SLC16A10: variants seen among roughly 807,000 people sequenced by gnomAD.
SLC16A10 encodes the protein monocarboxylate transporter 10.
Under a neutral mutation model 40.0 loss-of-function variants are expected in SLC16A10, and 27 were observed. That is an observed-to-expected ratio of 0.67 (90% confidence interval 0.50 to 0.93). SLC16A10 has a LOEUF of 0.93. SLC16A10 is among the 40% of genes least tolerant of loss of function. The pLI is 0.00. For synonymous variants in SLC16A10, 213 were observed against 249.8 expected, an observed-to-expected ratio of 0.85 and a Z score of 1.39; for missense variants, 529 against 658.2, an observed-to-expected ratio of 0.80 and a Z score of 2.15.
intron 1 of SLC16A10, among the ~76,000 whole-genome samples, chr6:111,170,995 G>T (rs561588938): frequency 3.9e-5 from 6 of 152,000 alleles, no homozygotes; most frequent in Non-Finnish European, 5.9e-5. Context: ...AAAATTAGCT[G>T]GTGTGGTGGC....
chr6:111,155,770 T>C (rs1488322358), intron 1 of SLC16A10, among the ~76,000 whole-genome samples: 2 of 152,196 alleles, frequency 1.3e-5, no homozygotes, highest in Non-Finnish European at 2.9e-5. Flanking sequence ...GTGGAAAGTA[T>C]TTATAGCTAT....
At chr6:111,219,228 G>A (rs1770841228) in intron 5 of SLC16A10, among the ~76,000 whole-genome samples, 186 bp downstream of exon 5, 1 of 152,058 alleles carries the variant, frequency 6.6e-6, no homozygotes, top group Admixed American at 6.5e-5. Flanking sequence ...TGAATTTGCT[G>A]AAGAGTCCCT....
chr6:111,203,447 T>C (rs1006692325), intron 3 of SLC16A10, among the ~76,000 whole-genome samples: 3 of 152,032 alleles, frequency 2.0e-5, no homozygotes, highest in African/African-American at 7.2e-5. Context: ...ATAATGCCCC[T>C]TCTAGGCCAG....
intron 1 of SLC16A10, among the ~76,000 whole-genome samples, chr6:111,139,130 A>G (rs1029269371): frequency 7.3e-6 from 1 of 137,562 alleles, no homozygotes; most frequent in African/African-American, 2.7e-5. Context: ...CAACCTATAT[A>G]CAGAATAGTA....
At chr6:111,195,517 G>C (rs1040726878) in intron 3 of SLC16A10, among the ~76,000 whole-genome samples, 1 of 152,050 alleles carries the variant, frequency 6.6e-6, no homozygotes. Context: ...AATTTATCAC[G>C]ATAAAAAATT....
chr6:111,209,834 A>G (rs1004810978), intron 4 of SLC16A10, among the ~76,000 whole-genome samples: 2 of 152,182 alleles, frequency 1.3e-5, no homozygotes, highest in African/African-American at 4.8e-5. Flanking sequence ...GAGCTTACAG[A>G]GAATGGTTTC....
chr6:111,149,261 T>C (rs1772130752), intron 1 of SLC16A10, among the ~76,000 whole-genome samples: 1 of 152,222 alleles, frequency 6.6e-6, no homozygotes, highest in Non-Finnish European at 1.5e-5. Context: ...TGTTCTGCAT[T>C]GGTTTAAGGA....
chr6:111,163,950 T>C (rs143073904), intron 1 of SLC16A10, among the ~76,000 whole-genome samples: 7 of 152,348 alleles, frequency 4.6e-5, no homozygotes, highest in African/African-American at 1.7e-4. Flanking sequence ...CTTAACCAGT[T>C]TGACCATGAG....
At chr6:111,143,128 G>A (rs1772013457) in intron 1 of SLC16A10, among the ~76,000 whole-genome samples, 1 of 152,158 alleles carries the variant, frequency 6.6e-6, no homozygotes, top group African/African-American at 2.4e-5. Flanking sequence ...CATCCAGGCT[G>A]GAATGCAGTG....
At position 111,087,591 on chromosome 6, in the gene SLC16A10, C is replaced by T; in HGVS notation, c.-162C>T. 1 of 284,206 alleles carries T rather than the reference C, an allele frequency of 3.5e-6. No individual in the cohort carries two copies. Among genetic ancestry groups the T allele is most frequent in the Non-Finnish European group, 6.2e-6 (1 of 160,364 alleles). 17.6% of individuals were successfully genotyped at this position (284,206 alleles called of 1,614,324 possible). ...CCAGCTGTCCTCGCGGCCGCCTGCGCGCTGGCCGCCTGCGCGCTGCCAGCC... is the reference window on the plus strand; with the variant it reads ...CCAGCTGTCCTCGCGGCCGCCTGCGTGCTGGCCGCCTGCGCGCTGCCAGCC... On this transcript the variant is annotated 5_prime_UTR_variant, in exon 1 of 6. Transcript: ENST00000368851.
At chr6:111,159,018 T>C (rs1297599392) in intron 1 of SLC16A10, among the ~76,000 whole-genome samples, 1 of 132,626 alleles carries the variant, frequency 7.5e-6, no homozygotes, top group African/African-American at 3.0e-5. Flanking sequence ...TAGTGAGCTG[T>C]GATCCTGCCA....
chr6:111,125,533 C>T (rs1053502449), intron 1 of SLC16A10, among the ~76,000 whole-genome samples: 15 of 152,100 alleles, frequency 9.9e-5, no homozygotes, highest in African/African-American at 2.4e-4. Context: ...CTCATCAAAC[C>T]GCCCCTGAAA....
At chr6:111,148,365 T>C (rs1347646880) in intron 1 of SLC16A10, among the ~76,000 whole-genome samples, 2 of 152,222 alleles carry the variant, frequency 1.3e-5, no homozygotes, top group Non-Finnish European at 2.9e-5. Flanking sequence ...TCTCTTAACT[T>C]CTTGCTATTC....
chr6:111,124,018 G>A (rs1771628327), intron 1 of SLC16A10, among the ~76,000 whole-genome samples: 1 of 152,100 alleles, frequency 6.6e-6, no homozygotes, highest in Admixed American at 6.5e-5. Context: ...TGTTCCAGTT[G>A]CTCTACTTTA....
chr6:111,106,126 G>A (rs1771280845), intron 1 of SLC16A10, among the ~76,000 whole-genome samples: 1 of 151,988 alleles, frequency 6.6e-6, no homozygotes, highest in African/African-American at 2.4e-5. Context: ...GACAATTATA[G>A]GGAAGGGAAG....
chr6:111,211,063 G>GT (rs1773339611), intron 4 of SLC16A10, among the ~76,000 whole-genome samples: 1 of 151,498 alleles, frequency 6.6e-6, no homozygotes, highest in Admixed American at 6.6e-5. Context: ...GTTGGAGGAC[G>GT]TAGGTCTGAT....
chr6:111,164,958 C>G (rs1405217125), intron 1 of SLC16A10, among the ~76,000 whole-genome samples: 1 of 152,092 alleles, frequency 6.6e-6, no homozygotes, highest in Admixed American at 6.5e-5. Flanking sequence ...ATTTTTCCTT[C>G]AGAAAATATT....
intron 3 of SLC16A10, among the ~76,000 whole-genome samples, chr6:111,200,914 C>T (rs191732002): frequency 8.6e-4 from 131 of 152,288 alleles, no homozygotes; most frequent in Non-Finnish European, 1.6e-3. Flanking sequence ...AGCTGCCAGT[C>T]TCTGGTATGA....
At chr6:111,160,222 A>G (rs1772345157) in intron 1 of SLC16A10, among the ~76,000 whole-genome samples, 2 of 152,186 alleles carry the variant, frequency 1.3e-5, no homozygotes, top group African/African-American at 4.8e-5. Context: ...AACCAAGATC[A>G]CAAAGATTTT....
Sources: gnomAD v4.1 joint callset for allele counts (sites outside exome capture counted in the v4.1 genomes callset) on GRCh38, gnomAD v4.1.1 for gene constraint, MANE v1.5 for transcripts, NCBI Gene and HGNC (gene_info 2026-07-23, HGNC 2026-07-21) for gene names.